Variants in ATP13A5 observed in about 807,000 individuals in gnomAD.
ATP13A5 encodes ATPase 13A5.
Under a neutral mutation model 150.2 loss-of-function variants are expected in ATP13A5, and 149 were observed. The observed-to-expected ratio is 0.99, with a 90% CI of 0.87 to 1.14. The LOEUF (loss-of-function observed/expected upper bound fraction) is 1.14, where lower values mean the gene tolerates loss of function less well. Ranked by LOEUF, ATP13A5 falls within the 50% of genes most tolerant of loss-of-function variation. The pLI, the probability that ATP13A5 is intolerant of heterozygous loss-of-function variation, is 0.00. For synonymous variants in ATP13A5, 497 were observed against 522.2 expected, an observed-to-expected ratio of 0.95 and a Z score of 0.66; for missense variants, 1,383 against 1,449.3, an observed-to-expected ratio of 0.95 and a Z score of 0.74.
chr3:193,321,235 C>G (rs939395424), intron 16 of ATP13A5, among the ~76,000 whole-genome samples: 8 of 152,190 alleles, frequency 5.3e-5, no homozygotes, highest in African/African-American at 1.9e-4. Context: ...GAAATTATCA[C>G]CCCTGCTTCT....
At chr3:193,367,744 T>C (rs1323623743) in intron 1 of ATP13A5, among the ~76,000 whole-genome samples, 1 of 152,062 alleles carries the variant, frequency 6.6e-6, no homozygotes, top group Non-Finnish European at 1.5e-5. Context: ...TCTCAATAGA[T>C]AGAGAAAAAG....
chr3:193,313,972 A>G lies in ATP13A5; in HGVS notation c.2319+61T>C, dbSNP rs1297955311. 2.6e-6 allele frequency: 4 copies of G among 1,553,758 alleles called. No homozygotes were observed. In the African/African-American group the frequency reaches 4.1e-5, roughly 16 times the overall value. Reference sequence around the variant, plus strand: ...TCCTGGAGTTGAGAGAAGGCTGAGCAGTGCCAGGACTGTATTCCATCAGTC... The same window carrying G: ...TCCTGGAGTTGAGAGAAGGCTGAGCGGTGCCAGGACTGTATTCCATCAGTC... On this transcript the variant is annotated intron_variant, in intron 19 of 29. Coordinates refer to ENST00000342358, the MANE Select transcript of ATP13A5 (RefSeq NM_198505.4).
chr3:193,312,082 G>T (rs1203904337), intron 19 of ATP13A5, 141 bp from the exon 20 acceptor site: 3 of 1,049,714 alleles, frequency 2.9e-6, no homozygotes, highest in African/African-American at 1.6e-5. Context: ...GCCTATAGCA[G>T]TTCTACCCAT....
chr3:193,321,529 G>A, intron 16 of ATP13A5, 152 bp downstream of exon 16: 1 of 747,982 alleles, frequency 1.3e-6, no homozygotes, highest in East Asian at 2.9e-5. Context: ...TACTTGGGAG[G>A]CTGAGGCAGG....
intron 25 of ATP13A5, among the ~76,000 whole-genome samples, chr3:193,298,665 A>G (rs1329051837): frequency 6.6e-6 from 1 of 152,140 alleles, no homozygotes; most frequent in Non-Finnish European, 1.5e-5. Flanking sequence ...TCTCAAAGGA[A>G]GGACATGAGC....
chr3:193,275,372 A>G, intron 29 of ATP13A5, 70 bp from the exon 30 acceptor site: 2 of 1,546,642 alleles, frequency 1.3e-6, no homozygotes, highest in South Asian at 2.4e-5. Flanking sequence ...GCTGGCCACC[A>G]CAGCCACCTC....
intron 6 of ATP13A5, among the ~76,000 whole-genome samples, chr3:193,352,424 A>G (rs1390434294): frequency 6.6e-6 from 1 of 152,206 alleles, no homozygotes; most frequent in East Asian, 1.9e-4. Context: ...AAACAACACT[A>G]TTCTAATTAA....
chr3:193,363,446 A>G, intron 2 of ATP13A5, 64 bp from the exon 3 acceptor site: 5 of 1,452,018 alleles, frequency 3.4e-6, no homozygotes, highest in Non-Finnish European at 4.7e-6. Context: ...TCAATCAACC[A>G]AATACCTACC....
At chr3:193,311,769 C>T (rs767469655) in intron 20 of ATP13A5, 47 bp downstream of exon 20, 49 of 1,606,024 alleles carry the variant, frequency 3.1e-5, no homozygotes, top group Admixed American at 3.4e-5. Context: ...CCTTTCGCCT[C>T]GCTGATTTGA....
intron 25 of ATP13A5, among the ~76,000 whole-genome samples, chr3:193,295,966 G>A (rs1352378818): frequency 1.3e-5 from 2 of 152,264 alleles, no homozygotes; most frequent in South Asian, 4.1e-4. Context: ...TTTAAGAGAG[G>A]ATATTGGCCT....
chr3:193,321,742 A>G lies in ATP13A5; in HGVS notation c.1854T>C (p.His618=), dbSNP rs762168019. The change falls in exon 16 of 30, where the codon CAT becomes CAC. Residue 618 remains histidine (H), a synonymous_variant. Transcript: ENST00000342358. ...SVIAQLAGEN[H]FHVYMKGAPE... ...GGGCACCTTTCATGTAGACATGGAAATGATTCTCCCCAGCTAGCTGAGCGA... is the reference window on the plus strand; with the variant it reads ...GGGCACCTTTCATGTAGACATGGAAGTGATTCTCCCCAGCTAGCTGAGCGA... 1.9e-6 allele frequency: 3 copies of G among 1,614,172 alleles called. No individual in the cohort carries two copies. The highest frequency in any genetic ancestry group is 2.5e-6 in the Non-Finnish European group (3 of 1,180,016).
rs13063816 is a variant in ATP13A5 at position 193,277,225 on chromosome 3, C to A, written c.3316-395G>T. On this transcript the variant is annotated intron_variant, in intron 28 of 29. Transcript: ENST00000342358. ...CCAATTCTCCCAAAGCAAATTCTACCTGGAATTCATTCTTTAAGGAGGACA... is the reference window on the plus strand; with the variant it reads ...CCAATTCTCCCAAAGCAAATTCTACATGGAATTCATTCTTTAAGGAGGACA... Among the ~76,000 whole-genome samples the A allele has an allele frequency of 3.3e-5, 5 of 151,578 alleles. No individual in the cohort carries two copies. In the East Asian group the frequency reaches 5.8e-4, roughly 18 times the overall value.
intron 11 of ATP13A5, among the ~76,000 whole-genome samples, chr3:193,332,071 G>A (rs952967442): frequency 1.3e-5 from 2 of 152,152 alleles, no homozygotes; most frequent in Admixed American, 1.3e-4. Context: ...GTCTTGAATT[G>A]TAGCTCCCCT....
At chr3:193,334,782 C>T (rs555388278) in intron 10 of ATP13A5, 147 bp downstream of exon 10, 1 of 693,554 alleles carries the variant, frequency 1.4e-6, no homozygotes, top group South Asian at 2.2e-5. Context: ...AATAGTGACA[C>T]TTTAGAATAA....
At chr3:193,312,235 T>C (rs1293532113) in intron 19 of ATP13A5, among the ~76,000 whole-genome samples, 1 of 152,228 alleles carries the variant, frequency 6.6e-6, no homozygotes, top group Non-Finnish European at 1.5e-5. Flanking sequence ...AGGTCCCAAA[T>C]AGTTATTACA....
At chr3:193,305,342 C>A (rs1231990205) in intron 23 of ATP13A5, among the ~76,000 whole-genome samples, 3 of 152,132 alleles carry the variant, frequency 2.0e-5, no homozygotes. Context: ...TTACATGATA[C>A]CCACCTATCC....
At chr3:193,335,720 A>G (rs1026572937) in intron 9 of ATP13A5, among the ~76,000 whole-genome samples, 8 of 152,150 alleles carry the variant, frequency 5.3e-5, no homozygotes, top group Admixed American at 5.2e-4. Flanking sequence ...AGCCTTTTCC[A>G]TTGCCACTAC....
intron 17 of ATP13A5, among the ~76,000 whole-genome samples, chr3:193,318,551 A>G (rs1452077565): frequency 2.0e-5 from 3 of 152,184 alleles, no homozygotes; most frequent in Non-Finnish European, 4.4e-5. Context: ...TTGAGCACTG[A>G]AAAAACCACG....
At chr3:193,302,536 T>C (rs1307496599) in intron 23 of ATP13A5, among the ~76,000 whole-genome samples, 3 of 152,176 alleles carry the variant, frequency 2.0e-5, no homozygotes, top group Non-Finnish European at 4.4e-5. Flanking sequence ...TAAATGGGCC[T>C]CCAAAATTAC....
Sources: allele counts gnomAD v4.1 joint callset (sites outside exome capture counted in the v4.1 genomes callset), GRCh38; gene constraint gnomAD v4.1.1; transcripts MANE v1.5; gene names NCBI Gene and HGNC (gene_info 2026-07-23, HGNC 2026-07-21).